ANK3: variants seen among roughly 807,000 people sequenced by gnomAD.
The protein encoded by ANK3 is ankyrin-3.
In ANK3, 57 loss-of-function variants were observed where a neutral mutation model predicts 370.9. That is an observed-to-expected ratio of 0.15 (90% confidence interval 0.12 to 0.19). The LOEUF (loss-of-function observed/expected upper bound fraction) is 0.19, where lower values mean the gene tolerates loss of function less well. ANK3 is among the 10% of genes least tolerant of loss of function. ANK3 has a pLI of 1.00. For missense variants in ANK3, 4,439 were observed against 5,302.1 expected (o/e 0.84, Z 5.06); for synonymous variants, 1,929 against 1,946.3 (o/e 0.99, Z 0.23).
At chr10:60,157,902 G>A (rs866582130) in intron 23 of ANK3, among the ~76,000 whole-genome samples, 4 of 150,936 alleles carry the variant, frequency 2.7e-5, no homozygotes, top group Admixed American at 1.3e-4. Flanking sequence ...GAGAGAGAGA[G>A]AGAGAGAGAG....
intron 2 of ANK3, among the ~76,000 whole-genome samples, chr10:60,471,421 G>A (rs921363830): frequency 6.6e-6 from 1 of 152,074 alleles, no homozygotes; most frequent in Non-Finnish European, 1.5e-5. Context: ...CAGTATACTG[G>A]TCTATGCTGA....
At chr10:60,148,995 A>C (rs1026133170) in intron 23 of ANK3, among the ~76,000 whole-genome samples, 2 of 152,230 alleles carry the variant, frequency 1.3e-5, no homozygotes, top group African/African-American at 4.8e-5. Context: ...GGAACACGTT[A>C]ATCACTGTTC....
intron 1 of ANK3, among the ~76,000 whole-genome samples, chr10:60,627,173 G>A (rs1234136266): frequency 6.6e-6 from 1 of 152,040 alleles, no homozygotes; most frequent in East Asian, 1.9e-4. Context: ...GATTAGCTGT[G>A]ATGTCCAATT....
Position 60,056,054 on chromosome 10 carries a change from C to T in ANK3, c.12687-18G>A. ...GGTCAGGGCTGCAACAGAAAATTTG[C>T]AAATTCACAATGGCAAACTATGACT... On this transcript the variant is annotated intron_variant, in intron 41 of 43. Transcript: ENST00000280772. 2 of 1,580,326 alleles carry T rather than the reference C, an allele frequency of 1.3e-6. No individual in the cohort carries two copies. Among genetic ancestry groups the T allele is most frequent in the Non-Finnish European group, 8.6e-7 (1 of 1,168,062 alleles).
At chr10:60,147,548 C>G (rs1018787703) in intron 23 of ANK3, among the ~76,000 whole-genome samples, 1 of 152,140 alleles carries the variant, frequency 6.6e-6, no homozygotes, top group Non-Finnish European at 1.5e-5. Flanking sequence ...ATTGTCATCC[C>G]CAGTGTTGGA....
At chr10:60,307,695 T>A (rs2045451969) in intron 1 of ANK3, among the ~76,000 whole-genome samples, 1 of 152,122 alleles carries the variant, frequency 6.6e-6, no homozygotes, top group African/African-American at 2.4e-5. Context: ...GAATGTTGTG[T>A]GATCCTGAGA....
chr10:60,621,226 G>A (rs149016585), intron 1 of ANK3, among the ~76,000 whole-genome samples: 176 of 152,326 alleles, frequency 1.2e-3, no homozygotes, highest in African/African-American at 4.1e-3. Context: ...CCAAGATGTT[G>A]AAGAGAAGTG....
intron 21 of ANK3, among the ~76,000 whole-genome samples, chr10:60,169,371 T>TTC (rs2095714587): frequency 1.3e-5 from 2 of 149,704 alleles, no homozygotes; most frequent in East Asian, 3.9e-4. Context: ...ATAGTTTTTT[T>TTC]TTTTTTTTTT....
In ANK3 at chr10:60,478,817, A is replaced by G. The variant is rs1389294309; in HGVS notation, c.96+136369T>C. On this transcript the variant is annotated intron_variant, in intron 2 of 43. Coordinates refer to the ANK3 transcript ENST00000373827. ...AGACCTGGATTACAGTATCTCTGAA[A>G]CTTAATTTCCTCACATAAAATAAGG... 2.6e-5 allele frequency among the ~76,000 whole-genome samples: 4 copies of G among 152,102 alleles called. No homozygotes were observed. The East Asian group carries it at 7.7e-4, about 29-fold the overall frequency.
intron 18 of ANK3, among the ~76,000 whole-genome samples, chr10:60,173,949 A>T (rs2095859117): frequency 6.6e-6 from 1 of 152,112 alleles, no homozygotes; most frequent in Non-Finnish European, 1.5e-5. Flanking sequence ...CCTTCTCTAG[A>T]TGGCTGTGTT....
intron 1 of ANK3, among the ~76,000 whole-genome samples, chr10:60,314,421 G>C (rs1232012115): frequency 6.6e-6 from 1 of 151,968 alleles, no homozygotes; most frequent in Non-Finnish European, 1.5e-5. Context: ...ATCTCAACAG[G>C]AGTTAACCAA....
In ANK3 at chr10:60,523,486, C is replaced by T. The variant is rs373904372; in HGVS notation, c.96+91700G>A. The stretch of plus-strand genomic sequence containing the variant: ...ATTCCCACCTATGAGTGAGAACATG[C>T]GGTGTTTGGTTTTTTTGTCCTTGCG... On this transcript the variant is annotated intron_variant, in intron 2 of 43. Transcript: ENST00000373827. Among the ~76,000 whole-genome samples the T allele has an allele frequency of 4.6e-4, 67 of 146,354 alleles. 2 individuals are homozygous for T. The East Asian group carries it at 5.2e-3, about 11-fold the overall frequency.
chr10:60,444,445 TA>T (rs2064386262), intron 2 of ANK3, among the ~76,000 whole-genome samples: 1 of 135,476 alleles, frequency 7.4e-6, no homozygotes, highest in African/African-American at 3.0e-5. Flanking sequence ...TGTGTGTGTG[TA>T]TATATATATA....
At chr10:60,445,462 T>A (rs1415177599) in intron 2 of ANK3, among the ~76,000 whole-genome samples, 4 of 150,656 alleles carry the variant, frequency 2.7e-5, no homozygotes, top group African/African-American at 9.7e-5. Flanking sequence ...TAGTAAATAG[T>A]TATTAAGCTG....
chr10:60,481,433 C>T (rs150584959), intron 2 of ANK3, among the ~76,000 whole-genome samples: 67 of 151,930 alleles, frequency 4.4e-4, no homozygotes, highest in African/African-American at 1.4e-3. Context: ...AGCAAAATTC[C>T]GTAGTTCCTA....
intron 2 of ANK3, among the ~76,000 whole-genome samples, chr10:60,499,888 T>C (rs1360111099): frequency 6.6e-6 from 1 of 152,234 alleles, no homozygotes; most frequent in Non-Finnish European, 1.5e-5. Flanking sequence ...TTGTCCATAC[T>C]GTTCCCAAAC....
chr10:60,130,942 A>G (rs2094029291), intron 25 of ANK3, among the ~76,000 whole-genome samples: 1 of 152,246 alleles, frequency 6.6e-6, no homozygotes, highest in Non-Finnish European at 1.5e-5. Flanking sequence ...GAAAAACTGT[A>G]TAAAAAATAC....
At chr10:60,574,290 A>C (rs1362922101) in intron 2 of ANK3, among the ~76,000 whole-genome samples, 1 of 152,194 alleles carries the variant, frequency 6.6e-6, no homozygotes, top group African/African-American at 2.4e-5. Flanking sequence ...GATTCAAGTG[A>C]CACGCTCAGA....
chr10:60,599,923 T>G (rs899269277), intron 2 of ANK3, among the ~76,000 whole-genome samples: 6 of 152,182 alleles, frequency 3.9e-5, no homozygotes, highest in African/African-American at 1.4e-4. Flanking sequence ...TTTTTGGTTT[T>G]GTTTCGTTTT....
Sources: gnomAD v4.1 joint callset for allele counts (sites outside exome capture counted in the v4.1 genomes callset) on GRCh38, gnomAD v4.1.1 for gene constraint, MANE v1.5 for transcripts, NCBI Gene and HGNC (gene_info 2026-07-23, HGNC 2026-07-21) for gene names.